The following MIDEAS variants were observed in gnomAD, a reference collection of about 807,000 sequenced individuals.
MIDEAS encodes the protein mitotic deacetylase associated SANT domain protein.
A neutral mutation model predicts 102.7 loss-of-function variants in MIDEAS; 26 were observed. That is an observed-to-expected ratio of 0.25 (90% CI 0.19 to 0.35). The LOEUF is 0.35. Ranked by LOEUF, MIDEAS falls within the 10% of genes least tolerant of loss-of-function variation. The probability of loss-of-function intolerance (pLI) is 1.00; values close to 1 mark genes in which losing one functional copy is unlikely to be tolerated. For synonymous variants in MIDEAS, 585 were observed against 591.0 expected (o/e 0.99, Z 0.15); for missense variants, 1,231 against 1,435.6 (o/e 0.86, Z 2.30).
intron 1 of MIDEAS, among the ~76,000 whole-genome samples, chr14:73,741,258 T>G (rs1370236222): frequency 6.6e-6 from 1 of 152,254 alleles, no homozygotes; most frequent in Non-Finnish European, 1.5e-5. Flanking sequence ...ACTTGATTTT[T>G]TAAAGCAGTC....
In MIDEAS at chr14:73,717,089, A is replaced by G. The variant is rs947752471; in HGVS notation, c.*1754T>C. On this transcript the variant is annotated 3_prime_UTR_variant, in exon 13 of 13. Transcript: ENST00000423556. Reference sequence around the variant, plus strand: ...GCTGGGGTCCTGTAGAACCATACTAATGTACAAATGGATGCTGAAAAATAC... The same window carrying G: ...GCTGGGGTCCTGTAGAACCATACTAGTGTACAAATGGATGCTGAAAAATAC... 1 of 152,298 alleles carries G rather than the reference A, an allele frequency of 6.6e-6. No homozygotes were observed. Among genetic ancestry groups the G allele is most frequent in the Non-Finnish European group, 1.5e-5 (1 of 68,030 alleles). 9.4% of individuals were successfully genotyped at this position (152,298 alleles called of 1,614,324 possible).
At chr14:73,766,030 C>T (rs748604248) in intron 1 of MIDEAS, among the ~76,000 whole-genome samples, 4 of 152,190 alleles carry the variant, frequency 2.6e-5, no homozygotes, top group Non-Finnish European at 5.9e-5. Flanking sequence ...GCTTCTTCCC[C>T]GGCTCTACCC....
At chr14:73,773,258 C>T (rs2053658296) in intron 1 of MIDEAS, among the ~76,000 whole-genome samples, 1 of 151,922 alleles carries the variant, frequency 6.6e-6, no homozygotes, top group South Asian at 2.1e-4. Context: ...TTATAATGCA[C>T]TTTTCCCAGC....
At chr14:73,786,290 A>G (rs929450) in intron 1 of MIDEAS, among the ~76,000 whole-genome samples, 141,515 of 152,312 alleles carry the variant, frequency 0.93, 65,834 homozygotes, top group African/African-American at 0.98. Flanking sequence ...ACCGAGGGCG[A>G]CGGGAACCAC....
intron 2 of MIDEAS, among the ~76,000 whole-genome samples, chr14:73,737,580 C>T (rs1307609639): frequency 1.3e-5 from 2 of 152,064 alleles, no homozygotes; most frequent in East Asian, 1.9e-4. Context: ...GAGCCGAGAT[C>T]GAACCACTGC....
At chr14:73,752,532 G>A (rs867162486) in intron 1 of MIDEAS, among the ~76,000 whole-genome samples, 2 of 152,126 alleles carry the variant, frequency 1.3e-5, no homozygotes, top group South Asian at 4.1e-4. Flanking sequence ...AAGAACGGGG[G>A]CAATATGGCT....
chr14:73,778,187 T>A lies in MIDEAS; in HGVS notation c.-248+8915A>T, dbSNP rs188644823. Among the ~76,000 whole-genome samples the A allele has an allele frequency of 2.6e-3, 401 of 151,938 alleles. 5 individuals are homozygous for A. Among genetic ancestry groups the A allele is most frequent in the Non-Finnish European group, 4.7e-3 (322 of 67,932 alleles). Reference sequence around the variant, plus strand: ...CTGGCCAACATAGTGCAACCCCGTTTCTACTAAAAATACAAAAATTAGCCG... The same window carrying A: ...CTGGCCAACATAGTGCAACCCCGTTACTACTAAAAATACAAAAATTAGCCG... On this transcript the variant is annotated intron_variant, in intron 1 of 11. Transcript: ENST00000394071.
In MIDEAS at chr14:73,726,126, G is replaced by GA; in HGVS notation, c.2410-19dup. On this transcript the variant is annotated intron_variant, in intron 7 of 12. Transcript: ENST00000423556. ...AGCGTTTCCTGGAGGGGAAGTGAGG[G>GA]AAGGGTCAGGGCACTGACAGGGGTG... 1 of 1,575,610 alleles carries GA rather than the reference G, an allele frequency of 6.3e-7. No homozygotes were observed. The highest frequency in any genetic ancestry group is 8.6e-7 in the Non-Finnish European group (1 of 1,159,332).
At chr14:73,722,974 G>A (rs1325187940) in intron 9 of MIDEAS, 127 bp from the exon 10 acceptor site, 2 of 1,043,622 alleles carry the variant, frequency 1.9e-6, no homozygotes, top group East Asian at 4.9e-5. Context: ...AGCCAACCCA[G>A]GCAATACAAG....
intron 1 of MIDEAS, among the ~76,000 whole-genome samples, chr14:73,751,207 G>C (rs1411784583): frequency 1.3e-5 from 2 of 152,188 alleles, no homozygotes; most frequent in Middle Eastern, 3.2e-3. Flanking sequence ...GAAGACCTTA[G>C]GTCAAATCAC....
intron 1 of MIDEAS, among the ~76,000 whole-genome samples, chr14:73,752,624 C>T (rs894780332): frequency 9.2e-5 from 14 of 152,014 alleles, no homozygotes; most frequent in Non-Finnish European, 1.9e-4. Flanking sequence ...CTGCCTGGGG[C>T]CTCCTAGAAG....
rs2053298311 is a variant in MIDEAS, at chr14:73,742,727, G to A, written c.-247-2472C>T. Among the ~76,000 whole-genome samples, 2 of 152,208 alleles carry A rather than the reference G, an allele frequency of 1.3e-5. No individual in the cohort carries two copies. The highest frequency in any genetic ancestry group is 2.1e-4 in the South Asian group (1 of 4,834). On this transcript the variant is annotated intron_variant, in intron 1 of 12. Coordinates refer to ENST00000423556, the MANE Select transcript of MIDEAS (RefSeq NM_001367710.1). The surrounding 1 kb of genome is among the most constrained non-coding windows in gnomAD (Gnocchi z 4.4). Reference sequence around the variant, plus strand: ...CAGAGGCCTCCCTGTCACCCTCACCGAAGAGCTAAGGGTGCCAGGGGCACA... The same window carrying A: ...CAGAGGCCTCCCTGTCACCCTCACCAAAGAGCTAAGGGTGCCAGGGGCACA...
At chr14:73,744,305 G>T (rs1256417481) in intron 1 of MIDEAS, among the ~76,000 whole-genome samples, 2 of 152,204 alleles carry the variant, frequency 1.3e-5, no homozygotes, top group Admixed American at 6.5e-5. Context: ...GCCACTGTGG[G>T]ACCAGGGCCA....
intron 4 of MIDEAS, chr14:73,728,429 T>G (rs1046394917): frequency 6.6e-6 from 1 of 152,132 alleles, no homozygotes; most frequent in Non-Finnish European, 1.5e-5. Context: ...AACCCCTCAC[T>G]CTCCCTGCAC....
chr14:73,751,792 C>T (rs182043404), intron 1 of MIDEAS, among the ~76,000 whole-genome samples: 9 of 152,202 alleles, frequency 5.9e-5, no homozygotes, highest in South Asian at 2.1e-4. Flanking sequence ...CCCAGCTACT[C>T]GGGAGGCTGA....
At chr14:73,770,362 C>CGATGATGATGAT (rs10536715) in intron 1 of MIDEAS, among the ~76,000 whole-genome samples, 1 of 151,344 alleles carries the variant, frequency 6.6e-6, no homozygotes, top group African/African-American at 2.4e-5. Flanking sequence ...ATGATGATGA[C>CGATGATGATGAT]GATGATGATG....
At chr14:73,721,550 G>C (rs928726430) in intron 10 of MIDEAS, 41 bp from the exon 11 acceptor site, 2 of 1,577,662 alleles carry the variant, frequency 1.3e-6, no homozygotes, top group Admixed American at 3.3e-5. Context: ...CTAGAGCTCT[G>C]TCTCACTGCT....
chr14:73,763,148 G>T (rs1391323230), upstream of MIDEAS, among the ~76,000 whole-genome samples: 1 of 152,094 alleles, frequency 6.6e-6, no homozygotes, highest in Admixed American at 6.5e-5. Context: ...ACCAGCCTAG[G>T]CAACGTGGCA....
chr14:73,736,907 C>T, intron 3 of MIDEAS, 91 bp downstream of exon 3: 1 of 1,314,464 alleles, frequency 7.6e-7, no homozygotes, highest in Non-Finnish European at 1.1e-6. Flanking sequence ...CTGATACCTT[C>T]CTACATTGCC....
Sources: gnomAD v4.1 joint callset for allele counts (sites outside exome capture counted in the v4.1 genomes callset) on GRCh38, gnomAD v4.1.1 for gene constraint, Gnocchi (gnomAD v3.1) non-coding constraint, MANE v1.5 for transcripts, NCBI Gene and HGNC (gene_info 2026-07-23, HGNC 2026-07-21) for gene names.